The following RIPOR2 variants were observed in gnomAD, a reference collection of about 807,000 sequenced individuals.
RIPOR2 encodes the protein RHO family interacting cell polarization regulator 2.
In RIPOR2, 39 loss-of-function variants were observed where a neutral mutation model predicts 114.5. The ratio of observed to expected loss-of-function variants is 0.34; its 90% confidence interval spans 0.26 to 0.44. The LOEUF is 0.44. Among genes scored for constraint, RIPOR2 ranks in the 20% least tolerant of loss-of-function variants. The pLI, the probability that RIPOR2 is intolerant of heterozygous loss-of-function variation, is 1.00. For missense variants in RIPOR2, 1,007 were observed against 1,255.1 expected (o/e 0.80, Z 2.99); for synonymous variants, 445 against 484.4 (o/e 0.92, Z 1.07).
chr6:24,903,572 ACTT>A (rs1236964192), intron 1 of RIPOR2, among the ~76,000 whole-genome samples: 1 of 143,964 alleles, frequency 6.9e-6, no homozygotes, highest in African/African-American at 2.4e-5. Flanking sequence ...CCAGATAGCA[ACTT>A]CTTTTTTGTT....
chr6:24,836,820 ACACACACACACT>A (rs1429676938), intron 14 of RIPOR2, among the ~76,000 whole-genome samples: 1 of 138,588 alleles, frequency 7.2e-6, no homozygotes, highest in East Asian at 2.0e-4. Context: ...ACACACACAC[ACACACACACACT>A]CTCTCTCTCT....
chr6:24,821,274 C>G (rs1272843207), intron 19 of RIPOR2, among the ~76,000 whole-genome samples: 3 of 151,546 alleles, frequency 2.0e-5, no homozygotes, highest in African/African-American at 7.3e-5. Flanking sequence ...CCTCTGCCTC[C>G]CGGGTTCAAG....
chr6:24,910,976 CG>C, intron 1 of RIPOR2: 1 of 985,162 alleles, frequency 1.0e-6, no homozygotes. Context: ...GGGAGGAAGT[CG>C]GGTGGACGCG....
intron 1 of RIPOR2, among the ~76,000 whole-genome samples, chr6:24,881,414 T>C (rs1766341030): frequency 6.6e-6 from 1 of 152,204 alleles, no homozygotes; most frequent in South Asian, 2.1e-4. Flanking sequence ...CTGGCTGTCA[T>C]ACCAGGTTGC....
At chr6:25,030,156 TG>T (rs919369948) in intron 1 of RIPOR2, among the ~76,000 whole-genome samples, 2 of 151,900 alleles carry the variant, frequency 1.3e-5, no homozygotes, top group African/African-American at 4.8e-5. Context: ...AGGTCTTAAA[TG>T]GGGGGAAAAG....
chr6:24,880,910 A>T (rs1195003351), intron 1 of RIPOR2, among the ~76,000 whole-genome samples: 1 of 152,184 alleles, frequency 6.6e-6, no homozygotes, highest in African/African-American at 2.4e-5. Flanking sequence ...TCACCAGTTC[A>T]CCAGATGCCA....
intron 7 of RIPOR2, among the ~76,000 whole-genome samples, chr6:24,861,939 CA>C (rs1764109330): frequency 6.6e-6 from 1 of 152,184 alleles, no homozygotes; most frequent in Non-Finnish European, 1.5e-5. Context: ...CAAAAGAGCA[CA>C]AGGGCTGAAT....
intron 7 of RIPOR2, 70 bp from the exon 8 acceptor site, chr6:24,861,106 G>T: frequency 2.0e-6 from 2 of 1,016,366 alleles, no homozygotes; most frequent in Non-Finnish European, 3.1e-6. Context: ...CACGACGTTC[G>T]AACAGCAGCA....
intron 1 of RIPOR2, among the ~76,000 whole-genome samples, chr6:24,895,800 C>T (rs1359973244): frequency 2.6e-5 from 4 of 152,056 alleles, no homozygotes; most frequent in African/African-American, 9.7e-5. Context: ...ACCATCCTGG[C>T]CAACACGGTG....
chr6:24,817,908 A>G (rs551938916), intron 20 of RIPOR2, among the ~76,000 whole-genome samples: 1 of 152,146 alleles, frequency 6.6e-6, no homozygotes, highest in Non-Finnish European at 1.5e-5. Flanking sequence ...CACAATAAAA[A>G]TGAGTGAAAT....
At chr6:24,839,901 C>T in intron 13 of RIPOR2, 1 of 1,094,718 alleles carries the variant, frequency 9.1e-7, no homozygotes, top group South Asian at 3.2e-5. Flanking sequence ...TCAAATTCAC[C>T]TAGCCCATGT....
rs1473798771 is a variant in RIPOR2 at position 24,806,123 on chromosome 6, T to C, written c.*250A>G. 2.1e-6 allele frequency: 1 copy of C among 470,510 alleles called. No homozygotes were observed. Among genetic ancestry groups the C allele is most frequent in the Non-Finnish European group, 3.7e-6 (1 of 268,394 alleles). 29.1% of individuals were successfully genotyped at this position (470,510 alleles called of 1,614,324 possible). A position where few individuals can be genotyped will look rare whatever the true frequency, so the allele number is the denominator to read the frequency against. Reference sequence around the variant, plus strand: ...TGCCACCACGCCTGACTAATTAAACTATTTTTTTTGTAGAGACAGGGCCTT... The same window carrying C: ...TGCCACCACGCCTGACTAATTAAACCATTTTTTTTGTAGAGACAGGGCCTT... On this transcript the variant is annotated 3_prime_UTR_variant, in exon 22 of 22. Transcript: ENST00000643898.
At chr6:24,826,072 G>A (rs941908347) in intron 18 of RIPOR2, among the ~76,000 whole-genome samples, 1 of 151,658 alleles carries the variant, frequency 6.6e-6, no homozygotes, top group Non-Finnish European at 1.5e-5. Flanking sequence ...GATTATAGGC[G>A]CATGCCACCA....
intron 12 of RIPOR2, among the ~76,000 whole-genome samples, chr6:24,845,372 G>A (rs1218113212): frequency 6.6e-6 from 1 of 152,134 alleles, no homozygotes; most frequent in Non-Finnish European, 1.5e-5. Flanking sequence ...GATGCCTGGA[G>A]CCTTCTCCCT....
At chr6:24,995,051 G>A (rs1581925996) in intron 1 of RIPOR2, among the ~76,000 whole-genome samples, 1 of 152,316 alleles carries the variant, frequency 6.6e-6, no homozygotes, top group East Asian at 1.9e-4. Flanking sequence ...GGAGCCATCT[G>A]GTTCTGAGGA....
intron 4 of RIPOR2, among the ~76,000 whole-genome samples, chr6:24,871,767 C>CT (rs1161246561): frequency 6.6e-6 from 1 of 152,202 alleles, no homozygotes; most frequent in African/African-American, 2.4e-5. Flanking sequence ...CTCATATCCT[C>CT]TAATTGAAGG....
At chr6:24,891,800 T>C (rs1767390135) in intron 1 of RIPOR2, among the ~76,000 whole-genome samples, 1 of 152,212 alleles carries the variant, frequency 6.6e-6, no homozygotes, top group Non-Finnish European at 1.5e-5. Flanking sequence ...CACAATCCTC[T>C]TGCCAATTTA....
intron 6 of RIPOR2, among the ~76,000 whole-genome samples, chr6:24,865,683 G>A (rs573861420): frequency 1.3e-5 from 2 of 152,256 alleles, no homozygotes; most frequent in South Asian, 4.1e-4. Flanking sequence ...AAAGGGAAGT[G>A]CCTCTCTTGC....
Position 24,848,005 on chromosome 6 carries a change from G to A in RIPOR2, c.1164+20C>T. 1.9e-6 allele frequency: 3 copies of A among 1,613,810 alleles called. No homozygotes were observed. Among genetic ancestry groups the A allele is most frequent in the South Asian group, 2.2e-5 (2 of 91,060 alleles). ...GGCTCAGGTGCATTGATTCTACTCG[G>A]GAAATTACACTGAACTTACAAAGAA... On this transcript the variant is annotated intron_variant, in intron 12 of 21. Transcript: ENST00000643898.
Sources: gnomAD v4.1 joint callset for allele counts (sites outside exome capture counted in the v4.1 genomes callset) on GRCh38, gnomAD v4.1.1 for gene constraint, MANE v1.5 for transcripts, NCBI Gene and HGNC (gene_info 2026-07-23, HGNC 2026-07-21) for gene names.